The following CIB2 variants were observed in gnomAD, a reference collection of about 807,000 sequenced individuals.
The protein encoded by CIB2 is calcium and integrin binding family member 2.
In CIB2, 19 loss-of-function variants were observed where a neutral mutation model predicts 23.1. The observed-to-expected ratio is 0.82, with a 90% CI of 0.57 to 1.21. The LOEUF is 1.21. Among genes scored for constraint, CIB2 ranks in the 50% most tolerant of loss-of-function variants. CIB2 has a pLI of 0.00. For synonymous variants in CIB2, 94 were observed against 91.7 expected (o/e 1.03, Z -0.14); for missense variants, 220 against 241.5 (o/e 0.91, Z 0.59).
rs140436842 is a variant in CIB2 at position 78,122,068 on chromosome 15, G to A, written c.86+1637C>T. The stretch of plus-strand genomic sequence containing the variant: ...TCATATGGTCACTGGTGGCTAACAG[G>A]TGCCATGCTCCCTGTTAGTCCTGCC... On this transcript the variant is annotated intron_variant, in intron 2 of 5. Transcript: ENST00000258930. 3.3e-5 allele frequency among the ~76,000 whole-genome samples: 5 copies of A among 152,312 alleles called. 1 individual carries two copies. The South Asian group carries it at 6.2e-4, about 19-fold the overall frequency.
intron 2 of CIB2, among the ~76,000 whole-genome samples, chr15:78,120,872 C>T (rs917102342): frequency 6.6e-6 from 1 of 152,146 alleles, no homozygotes; most frequent in African/African-American, 2.4e-5. Context: ...CCCTGAAAGG[C>T]CCTTGGGAGC....
chr15:78,114,693 C>T (rs2141897330), intron 2 of CIB2, among the ~76,000 whole-genome samples: 1 of 151,092 alleles, frequency 6.6e-6, no homozygotes, highest in African/African-American at 2.4e-5. Flanking sequence ...TCTAAATGTG[C>T]TTTGGGAGGC....
At chr15:78,116,456 C>T (rs1289640129) in intron 2 of CIB2, among the ~76,000 whole-genome samples, 1 of 149,770 alleles carries the variant, frequency 6.7e-6, no homozygotes, top group Non-Finnish European at 1.5e-5. Flanking sequence ...GACAGAGATC[C>T]TGCCTGACAA....
At chr15:78,120,599 G>A (rs1281909688) in intron 2 of CIB2, 38 of 985,266 alleles carry the variant, frequency 3.9e-5, no homozygotes, top group Non-Finnish European at 4.6e-5. Flanking sequence ...AATAGGGTGG[G>A]CTGCCCACTC....
At chr15:78,128,397 C>T (rs951458848) in intron 1 of CIB2, among the ~76,000 whole-genome samples, 8 of 152,172 alleles carry the variant, frequency 5.3e-5, no homozygotes, top group Admixed American at 1.3e-4. Context: ...AGGCTGGAGG[C>T]CCGGCGCGGT....
In CIB2 at chr15:78,109,314, GT is replaced by G. The variant is rs1567050168; in HGVS notation, c.266del (p.Asn89ThrfsTer42). The G allele has an allele frequency of 6.2e-7, 1 of 1,613,930 alleles. No homozygotes were observed. The highest frequency in any genetic ancestry group is 8.5e-7 in the Non-Finnish European group (1 of 1,180,024). On this transcript the variant is annotated frameshift_variant, in exon 4 of 6. Coordinates refer to ENST00000258930, the MANE Select transcript of CIB2 (RefSeq NM_006383.4). LOFTEE classifies it high-confidence loss of function. ...GCACGGAAAACATGTCCACAAAGTC[GT>G]TGAAAGTGAGGTTCCCCTCACCATC... is the stretch of plus-strand genomic sequence containing the variant. Reference protein sequence around the residue: ...SEDGEGNLTFNDFVDMFSVLC... With the variant: ...SEDGEGNLTFXDFVDMFSVLC...
chr15:78,130,876 G>A (rs985182947), intron 1 of CIB2, among the ~76,000 whole-genome samples: 1 of 151,988 alleles, frequency 6.6e-6, no homozygotes, highest in African/African-American at 2.4e-5. Flanking sequence ...GATGGGCGCT[G>A]GAATGGGTGG....
intron 2 of CIB2, among the ~76,000 whole-genome samples, chr15:78,122,681 AT>A (rs1379642708): frequency 6.6e-6 from 1 of 152,242 alleles, no homozygotes; most frequent in Non-Finnish European, 1.5e-5. Context: ...GGAAGGTCAA[AT>A]GGTTGCCCAA....
chr15:78,109,643 C>T (rs1596349321), intron 3 of CIB2: 2 of 509,250 alleles, frequency 3.9e-6, no homozygotes, highest in East Asian at 3.7e-5. Context: ...GGTCATGTCA[C>T]ATCATTAAGA....
chr15:78,120,765 G>A, intron 2 of CIB2: 1 of 984,532 alleles, frequency 1.0e-6, no homozygotes, highest in Non-Finnish European at 1.2e-6. Context: ...AACCTGCAAA[G>A]AAAAACCTCC....
At chr15:78,131,508 C>G (rs898995405), upstream of CIB2, 1 of 157,562 alleles carries the variant, frequency 6.3e-6, no homozygotes, top group South Asian at 2.1e-4. The surrounding 1 kb of genome is among the most constrained non-coding windows in gnomAD (Gnocchi z 5.8). Flanking sequence ...GACCTGGCCC[C>G]GGGAGACGCT....
Position 78,131,120 on chromosome 15 carries a change from CG to C in CIB2, c.51+44del. The C allele has an allele frequency of 7.2e-7, 1 of 1,398,292 alleles. No individual in the cohort carries two copies. The allele number at this position is 1,398,292 out of a possible 1,614,324, so 86.6% of individuals were successfully genotyped here. A position where few individuals can be genotyped will look rare whatever the true frequency, so the allele number is the denominator to read the frequency against. On this transcript the variant is annotated intron_variant, in intron 1 of 5. Coordinates refer to ENST00000258930, the MANE Select transcript of CIB2 (RefSeq NM_006383.4). The surrounding 1 kb of genome is among the most constrained non-coding windows in gnomAD (Gnocchi z 5.8). ...AGCGACCGAGAAAAGGGAGGGGCGG[CG>C]GGGCGGCGGGGCCTGTGTTGGGGGC...
rs149965374 is a variant in CIB2 at position 78,124,918 on chromosome 15, G to C, written c.52-1179C>G. 4.7e-3 allele frequency among the ~76,000 whole-genome samples: 715 copies of C among 152,332 alleles called. 4 individuals are homozygous for C. The highest frequency in any genetic ancestry group is 0.016 in the African/African-American group (681 of 41,568). On this transcript the variant is annotated intron_variant, in intron 1 of 5. Transcript: ENST00000258930. ...CGCCTGCAGGATGCACACAACATCT[G>C]GGGTTTCCACTGGGTGCCTTCGGGA...
At chr15:78,119,354 C>T (rs948179700) in intron 2 of CIB2, among the ~76,000 whole-genome samples, 1 of 152,192 alleles carries the variant, frequency 6.6e-6, no homozygotes, top group African/African-American at 2.4e-5. Flanking sequence ...TGATGGATTG[C>T]TTCCACCTTT....
At chr15:78,107,173 T>C (rs1367407531) in intron 4 of CIB2, among the ~76,000 whole-genome samples, 1 of 152,078 alleles carries the variant, frequency 6.6e-6, no homozygotes, top group African/African-American at 2.4e-5. Context: ...AGGCGGAGCT[T>C]GCAGTGAGCT....
intron 5 of CIB2, 127 bp from the exon 6 acceptor site, chr15:78,105,459 G>C: frequency 1.3e-6 from 2 of 1,549,260 alleles, no homozygotes; most frequent in South Asian, 2.4e-5. Flanking sequence ...ACCCTGCATA[G>C]TGGATGCAGG....
rs1240456789 is a variant in CIB2, at chr15:78,127,229, C to G, written c.52-3490G>C. Among the ~76,000 whole-genome samples the G allele has an allele frequency of 2.0e-5, 3 of 152,206 alleles. 1 individual carries two copies. Among genetic ancestry groups the G allele is most frequent in the African/African-American group, 7.2e-5 (3 of 41,446 alleles). On this transcript the variant is annotated intron_variant, in intron 1 of 5. Transcript: ENST00000258930. ...TTCTCTGGAGTCACCAAACACCCTG[C>G]CCACCACTACACCCTCAGCTGCCCT...
At chr15:78,118,036 T>C (rs933540465) in intron 2 of CIB2, among the ~76,000 whole-genome samples, 14 of 152,242 alleles carry the variant, frequency 9.2e-5, no homozygotes, top group African/African-American at 2.4e-4. Context: ...TGTTCAACTA[T>C]ACAAATTAAG....
intron 2 of CIB2, among the ~76,000 whole-genome samples, chr15:78,113,596 T>C (rs1268987242): frequency 6.6e-6 from 1 of 151,818 alleles, no homozygotes; most frequent in Non-Finnish European, 1.5e-5. Flanking sequence ...AGTGGCGCGA[T>C]CTCGGCTCAC....
Sources: gnomAD v4.1 joint callset for allele counts (sites outside exome capture counted in the v4.1 genomes callset) on GRCh38, gnomAD v4.1.1 for gene constraint, Gnocchi (gnomAD v3.1) non-coding constraint, MANE v1.5 for transcripts, NCBI Gene and HGNC (gene_info 2026-07-23, HGNC 2026-07-21) for gene names.